The following PCNX2 variants were observed in gnomAD, a reference collection of about 807,000 sequenced individuals.
PCNX2 encodes pecanex-like protein 2.
In PCNX2, 168 loss-of-function variants were observed where a neutral mutation model predicts 223.8. The ratio of observed to expected loss-of-function variants is 0.75; its 90% CI spans 0.66 to 0.85. PCNX2 has a LOEUF of 0.85. Ranked by LOEUF, PCNX2 falls within the 40% of genes least tolerant of loss-of-function variation. The pLI is 0.00. For missense variants in PCNX2, 2,507 were observed against 2,675.5 expected, an observed-to-expected ratio of 0.94 and a Z score of 1.39; for synonymous variants, 1,006 against 1,052.6, an observed-to-expected ratio of 0.96 and a Z score of 0.86.
chr1:233,205,360 A>G (rs1681380594), intron 13 of PCNX2, among the ~76,000 whole-genome samples: 1 of 152,230 alleles, frequency 6.6e-6, no homozygotes, highest in Non-Finnish European at 1.5e-5. Context: ...AATGGGAAGT[A>G]TTCCAAAAGT....
chr1:233,284,288 CA>C (rs1661337634), intron 1 of PCNX2, among the ~76,000 whole-genome samples: 1 of 152,126 alleles, frequency 6.6e-6, no homozygotes, highest in Non-Finnish European at 1.5e-5. Context: ...TTGAAGTTTT[CA>C]GGGGTCATGT....
chr1:233,146,285 T>C (rs147951118), intron 19 of PCNX2, among the ~76,000 whole-genome samples: 216 of 152,074 alleles, frequency 1.4e-3, no homozygotes, highest in African/African-American at 4.9e-3. Context: ...TGCCAGAGAG[T>C]TGGGGTTTGG....
chr1:233,173,417 C>T (rs9887945), intron 17 of PCNX2, among the ~76,000 whole-genome samples: 2 of 152,148 alleles, frequency 1.3e-5, no homozygotes, highest in Non-Finnish European at 1.5e-5. Flanking sequence ...CCACCCGCCT[C>T]GGCCTCCGAA....
At chr1:233,144,821 C>A (rs540982165) in intron 19 of PCNX2, among the ~76,000 whole-genome samples, 16 of 152,090 alleles carry the variant, frequency 1.1e-4, no homozygotes, top group African/African-American at 3.9e-4. Context: ...AAACTTCTCC[C>A]ATTTTATGGT....
chr1:233,033,329 G>T, intron 25 of PCNX2: 1 of 409,094 alleles, frequency 2.4e-6, no homozygotes, highest in Non-Finnish European at 3.3e-6. Context: ...CAAATGAGAG[G>T]TAAGAAAAAT....
intron 1 of PCNX2, among the ~76,000 whole-genome samples, chr1:233,275,382 T>C (rs971382056): frequency 1.1e-4 from 16 of 152,050 alleles, no homozygotes; most frequent in African/African-American, 3.1e-4. Context: ...TTTGTGCTTT[T>C]AGTAGAGACG....
At chr1:233,168,459 T>C (rs1572008569) in intron 17 of PCNX2, among the ~76,000 whole-genome samples, 1 of 152,024 alleles carries the variant, frequency 6.6e-6, no homozygotes, top group East Asian at 1.9e-4. Flanking sequence ...TTGTAAGCTA[T>C]ATATATATAA....
intron 21 of PCNX2, among the ~76,000 whole-genome samples, chr1:233,113,898 G>A (rs1188618232): frequency 6.6e-6 from 1 of 152,196 alleles, no homozygotes; most frequent in Admixed American, 6.5e-5. Flanking sequence ...AGTGACTTAG[G>A]ATATGCTAAT....
rs116162338 is a variant in PCNX2, at chr1:233,171,673, A to C, written c.3273+6129T>G. 8.7e-3 allele frequency among the ~76,000 whole-genome samples: 1,328 copies of C among 152,084 alleles called. 24 individuals carry two copies. Among genetic ancestry groups the C allele is most frequent in the African/African-American group, 0.031 (1,272 of 41,486 alleles). ...TCTGGTGCGGATTCTTTTTTCTTTA[A>C]TTTACCCTACTTGTGATTCACTGAA... On this transcript the variant is annotated intron_variant, in intron 17 of 33. Transcript: ENST00000258229.
intron 23 of PCNX2, among the ~76,000 whole-genome samples, chr1:233,072,118 C>A (rs1038244934): frequency 7.2e-5 from 11 of 152,220 alleles, no homozygotes; most frequent in African/African-American, 2.6e-4. Context: ...TGGATAGTTT[C>A]TTTTGCTGTG....
rs995481173 is a variant in PCNX2, at chr1:233,169,639, C to T, written c.3273+8163G>A. ...CAGCCTGGGCGACAGAGCGAAACTC[C>T]GTCTCAAAAAAAAAAAAAAAATGTG... On this transcript the variant is annotated intron_variant, in intron 17 of 33. Transcript: ENST00000258229. Among the ~76,000 whole-genome samples, 11 of 120,112 alleles carry T rather than the reference C, an allele frequency of 9.2e-5. No individual in the cohort carries two copies. In the South Asian group the frequency reaches 1.9e-3, roughly 20 times the overall value. 78.8% of individuals were successfully genotyped at this position (120,112 alleles called of 152,430 possible).
At chr1:233,326,432 T>G in the PCNX2 span, among the ~76,000 whole-genome samples, 1 of 152,262 alleles carries the variant, frequency 6.6e-6, no homozygotes, top group Admixed American at 6.5e-5. Context: ...TGGTTGATTC[T>G]GTGGATGCAG....
At chr1:233,211,694 T>C in intron 12 of PCNX2, 1 of 885,872 alleles carries the variant, frequency 1.1e-6, no homozygotes, top group Non-Finnish European at 1.4e-6. Context: ...CCTGGCTTCC[T>C]CTACCAACCA....
chr1:233,052,761 A>G (rs997157502), intron 25 of PCNX2, among the ~76,000 whole-genome samples: 2 of 152,164 alleles, frequency 1.3e-5, no homozygotes, highest in African/African-American at 2.4e-5. Flanking sequence ...AATAACTAAG[A>G]GACTGTATGT....
chr1:233,023,043 G>A (rs749518545), intron 26 of PCNX2, among the ~76,000 whole-genome samples: 2 of 152,078 alleles, frequency 1.3e-5, no homozygotes, highest in Non-Finnish European at 2.9e-5. Context: ...CAACTCCAGG[G>A]CTTATCTACG....
chr1:233,173,385 C>T (rs1458700897), intron 17 of PCNX2, among the ~76,000 whole-genome samples: 5 of 152,142 alleles, frequency 3.3e-5, no homozygotes, highest in Non-Finnish European at 4.4e-5. Flanking sequence ...AGGCTGGTTT[C>T]GAACTCCTGA....
chr1:233,307,460 TGAAG>T, the PCNX2 span, among the ~76,000 whole-genome samples: 3 of 152,226 alleles, frequency 2.0e-5, no homozygotes, highest in Non-Finnish European at 2.9e-5. Context: ...GGAAGCAGCC[TGAAG>T]CCCTCCCCAG....
chr1:233,267,225 G>A (rs754171219), intron 1 of PCNX2, among the ~76,000 whole-genome samples: 2 of 152,094 alleles, frequency 1.3e-5, no homozygotes, highest in Non-Finnish European at 2.9e-5. Flanking sequence ...ACTAAGGCAG[G>A]AGAATCACTT....
At chr1:233,157,524 A>G (rs550637270) in intron 19 of PCNX2, among the ~76,000 whole-genome samples, 1 of 152,158 alleles carries the variant, frequency 6.6e-6, no homozygotes, top group Admixed American at 6.5e-5. Context: ...TGGGCTACAC[A>G]CTAGCTAGTC....
Sources: allele counts gnomAD v4.1 joint callset (sites outside exome capture counted in the v4.1 genomes callset), GRCh38; gene constraint gnomAD v4.1.1; transcripts MANE v1.5; gene names NCBI Gene and HGNC (gene_info 2026-07-23, HGNC 2026-07-21).